Variants in CCDC178 observed in about 807,000 individuals in gnomAD.
CCDC178 encodes the protein coiled-coil domain-containing protein 178.
CCDC178 carries 126 observed loss-of-function variants against 117.4 expected under a neutral mutation model. The ratio of observed to expected loss-of-function variants is 1.07; its 90% CI spans 0.93 to 1.24. The LOEUF is 1.24. Among genes scored for constraint, CCDC178 ranks in the 50% most tolerant of loss-of-function variants. CCDC178 has a pLI of 0.00. For synonymous variants in CCDC178, 283 were observed against 313.4 expected (o/e 0.90, Z 1.02); for missense variants, 1,030 against 986.9 (o/e 1.04, Z -0.59).
chr18:32,986,868 C>T (rs1203392272), intron 21 of CCDC178, among the ~76,000 whole-genome samples: 1 of 151,780 alleles, frequency 6.6e-6, no homozygotes, highest in Non-Finnish European at 1.5e-5. Flanking sequence ...TTCTCTAACT[C>T]AGTATATTGC....
chr18:33,408,540 A>C (rs1338499688), intron 3 of CCDC178, among the ~76,000 whole-genome samples: 1 of 152,014 alleles, frequency 6.6e-6, no homozygotes, highest in Non-Finnish European at 1.5e-5. Flanking sequence ...ATATAAAATT[A>C]AATGAGATTT....
chr18:33,349,038 G>T, intron 7 of CCDC178, 63 bp from the exon 8 acceptor site: 2 of 961,960 alleles, frequency 2.1e-6, no homozygotes, highest in South Asian at 1.5e-5. Context: ...CAAATTTTAG[G>T]TTATGCTCTT....
chr18:33,091,050 T>C (rs887662902), intron 21 of CCDC178, among the ~76,000 whole-genome samples: 1 of 152,170 alleles, frequency 6.6e-6, no homozygotes, highest in Non-Finnish European at 1.5e-5. Flanking sequence ...AACTGATAAC[T>C]GCAGATAACT....
At chr18:32,956,985 A>AAAGAG (rs5823882) in intron 22 of CCDC178, among the ~76,000 whole-genome samples, 144,471 of 152,018 alleles carry the variant, frequency 0.95, 68,865 homozygotes, top group Non-Finnish European at 0.99. Context: ...AGCTAAAGAG[A>AAAGAG]AAGAGATGAA....
chr18:33,010,885 C>G (rs2055849313), intron 21 of CCDC178, among the ~76,000 whole-genome samples: 1 of 152,148 alleles, frequency 6.6e-6, no homozygotes, highest in Non-Finnish European at 1.5e-5. Flanking sequence ...GCTCTTCAAC[C>G]TTAAATCAGA....
intron 21 of CCDC178, among the ~76,000 whole-genome samples, chr18:33,070,032 G>T (rs998064310): frequency 6.6e-6 from 1 of 151,856 alleles, no homozygotes; most frequent in Non-Finnish European, 1.5e-5. Context: ...AACAAATGCT[G>T]GAAATAATAC....
At chr18:33,063,577 A>T (rs1004348596) in intron 21 of CCDC178, among the ~76,000 whole-genome samples, 1 of 152,078 alleles carries the variant, frequency 6.6e-6, no homozygotes, top group African/African-American at 2.4e-5. Flanking sequence ...TGCACCTCTC[A>T]GGGGCCCAAG....
chr18:32,948,681 C>T (rs1041726434), intron 22 of CCDC178, among the ~76,000 whole-genome samples: 2 of 151,964 alleles, frequency 1.3e-5, no homozygotes, highest in African/African-American at 4.8e-5. Context: ...TACATTTATT[C>T]TCTGTTGGTT....
chr18:33,301,698 G>A (rs2062179248), intron 11 of CCDC178, among the ~76,000 whole-genome samples: 1 of 152,174 alleles, frequency 6.6e-6, no homozygotes, highest in Non-Finnish European at 1.5e-5. Context: ...CTTTTATGAG[G>A]CCTGTTGCCT....
At chr18:33,095,063 G>A (rs1327369277) in intron 20 of CCDC178, among the ~76,000 whole-genome samples, 1 of 151,922 alleles carries the variant, frequency 6.6e-6, no homozygotes, top group African/African-American at 2.4e-5. Context: ...TGACACAAAT[G>A]GGGAATGATA....
At chr18:33,010,855 T>C (rs1002194844) in intron 21 of CCDC178, among the ~76,000 whole-genome samples, 1 of 152,098 alleles carries the variant, frequency 6.6e-6, no homozygotes, top group East Asian at 1.9e-4. Flanking sequence ...AATTTGGAGG[T>C]AGGTTAAAAT....
chr18:33,245,339 T>G lies in CCDC178; in HGVS notation c.1499A>C (p.Lys500Thr), dbSNP rs746952483. 27 of 1,609,246 alleles carry G rather than the reference T, an allele frequency of 1.7e-5. No homozygotes were observed. Among genetic ancestry groups the G allele is most frequent in the Non-Finnish European group, 2.2e-5 (26 of 1,177,810 alleles). ...AAGAGTACCAATGCGATAAGCCTCC[T>G]TATAGATGTTCTTGAGATGTTTATC... is the stretch of plus-strand genomic sequence containing the variant. ...KNDKHLKNIY[K>T]EAYRIGTLFH... The change falls in exon 15 of 23, where the codon AAG becomes ACG. Residue 500 changes from lysine to threonine, a missense_variant. Coordinates refer to ENST00000383096, the MANE Select transcript of CCDC178 (RefSeq NM_001105528.4).
intron 20 of CCDC178, 122 bp downstream of exon 20, chr18:33,211,774 C>A (rs2059110507): frequency 2.8e-6 from 2 of 717,058 alleles, no homozygotes; most frequent in Admixed American, 3.6e-5. Context: ...ATTATGTTAA[C>A]AAATTTATTT....
chr18:32,948,728 T>A (rs935261828), intron 22 of CCDC178, among the ~76,000 whole-genome samples: 4 of 152,140 alleles, frequency 2.6e-5, no homozygotes, highest in African/African-American at 9.6e-5. Context: ...ATTCATATTT[T>A]ATAAACTATT....
At chr18:33,363,081 T>C (rs1337114638) in intron 6 of CCDC178, among the ~76,000 whole-genome samples, 1 of 151,968 alleles carries the variant, frequency 6.6e-6, no homozygotes, top group Non-Finnish European at 1.5e-5. Flanking sequence ...CACTATCTTC[T>C]CAATTGTTCT....
chr18:33,222,456 T>A (rs778773962), intron 18 of CCDC178, among the ~76,000 whole-genome samples: 1 of 152,100 alleles, frequency 6.6e-6, no homozygotes, highest in African/African-American at 2.4e-5. Flanking sequence ...ATCCAAGAAC[T>A]AGGCAACAAC....
At chr18:33,331,195 C>T (rs1355176270) in intron 10 of CCDC178, among the ~76,000 whole-genome samples, 1 of 151,790 alleles carries the variant, frequency 6.6e-6, no homozygotes, top group East Asian at 1.9e-4. Context: ...AATTAAAACA[C>T]ATATAGACAA....
intron 6 of CCDC178, among the ~76,000 whole-genome samples, chr18:33,356,859 G>T (rs953689555): frequency 6.6e-6 from 1 of 152,124 alleles, no homozygotes; most frequent in Non-Finnish European, 1.5e-5. Flanking sequence ...TGTGGCAGAA[G>T]TTTGCATTCT....
chr18:33,063,805 A>G (rs1485913577), intron 21 of CCDC178, among the ~76,000 whole-genome samples: 1 of 152,138 alleles, frequency 6.6e-6, no homozygotes, highest in African/African-American at 2.4e-5. Flanking sequence ...CTGGCCCACC[A>G]CCACCACCAC....
Sources: allele counts gnomAD v4.1 joint callset (sites outside exome capture counted in the v4.1 genomes callset), GRCh38; gene constraint gnomAD v4.1.1; transcripts MANE v1.5; gene names NCBI Gene and HGNC (gene_info 2026-07-23, HGNC 2026-07-21).